The following PACRG variants were observed in gnomAD, a reference collection of about 807,000 sequenced individuals.
PACRG encodes parkin coregulated gene protein.
A neutral mutation model predicts 29.7 loss-of-function variants in PACRG; 29 were observed. The observed-to-expected ratio is 0.98, with a 90% CI of 0.73 to 1.33. The LOEUF is 1.33. Ranked by LOEUF, PACRG falls within the 40% of genes most tolerant of loss-of-function variation. The pLI is 0.00. For synonymous variants in PACRG, 116 were observed against 118.7 expected (o/e 0.98, Z 0.15); for missense variants, 279 against 316.2 (o/e 0.88, Z 0.89).
At chr6:163,043,364 T>C (rs1808949938) in intron 2 of PACRG, among the ~76,000 whole-genome samples, 1 of 152,150 alleles carries the variant, frequency 6.6e-6, no homozygotes, top group Non-Finnish European at 1.5e-5. Flanking sequence ...GAGACCAACC[T>C]GGCCAACATG....
At chr6:163,248,399 T>A (rs2128171142) in intron 4 of PACRG, among the ~76,000 whole-genome samples, 1 of 150,506 alleles carries the variant, frequency 6.6e-6, no homozygotes, top group Non-Finnish European at 1.5e-5. Flanking sequence ...TAGTGTTGGT[T>A]TGCGGGGCAA....
At chr6:163,269,778 C>G (rs1270182953) in intron 4 of PACRG, among the ~76,000 whole-genome samples, 1 of 92,036 alleles carries the variant, frequency 1.1e-5, no homozygotes, top group Admixed American at 1.2e-4. Context: ...GACAGACAGA[C>G]AGACAGAAAG....
Position 163,255,747 on chromosome 6 carries a change from G to A in PACRG, c.614-59080G>A, listed in dbSNP as rs956107339. 5.3e-5 allele frequency among the ~76,000 whole-genome samples: 8 copies of A among 152,000 alleles called. No homozygotes were observed. In the East Asian group the frequency reaches 7.8e-4, roughly 15 times the overall value. The stretch of plus-strand genomic sequence containing the variant: ...TGCCTCCCGGGTTCAAGCAACTCTC[G>A]TGCCTTAGCCTCCCAAGTAGTGGGA... On this transcript the variant is annotated intron_variant, in intron 4 of 4. Transcript: ENST00000366888.
At chr6:163,037,007 G>T (rs1419144126) in intron 2 of PACRG, among the ~76,000 whole-genome samples, 2 of 152,102 alleles carry the variant, frequency 1.3e-5, no homozygotes, top group Non-Finnish European at 2.9e-5. Context: ...AACGAGAGAG[G>T]CGAATTGTAA....
At chr6:163,156,919 G>C (rs145251094) in intron 4 of PACRG, among the ~76,000 whole-genome samples, 1 of 152,288 alleles carries the variant, frequency 6.6e-6, no homozygotes, top group East Asian at 1.9e-4. Flanking sequence ...GATTATACTT[G>C]ATCCACCCAG....
intron 2 of PACRG, among the ~76,000 whole-genome samples, chr6:162,947,610 T>TTATATA (rs1562767235): frequency 8.3e-5 from 4 of 48,192 alleles, no homozygotes; most frequent in South Asian, 7.6e-4. Context: ...ATATATATAA[T>TTATATA]CATATATATA....
chr6:162,945,136 T>A lies in PACRG; in HGVS notation c.292-117014T>A, dbSNP rs139516760. Among the ~76,000 whole-genome samples, 542 of 152,072 alleles carry A rather than the reference T, an allele frequency of 3.6e-3. 3 individuals carry two copies. The highest frequency in any genetic ancestry group is 0.013 in the African/African-American group (532 of 41,496). On this transcript the variant is annotated intron_variant, in intron 2 of 4. Transcript: ENST00000366888. ...AACAAGCAGAAATCAATTAATAAAG[T>A]GACAGCAATAAGCCTTCACATATCA...
chr6:163,191,602 G>A (rs1343822319), intron 4 of PACRG: 5 of 455,636 alleles, frequency 1.1e-5, no homozygotes, highest in Middle Eastern at 3.3e-4. Context: ...ATACACTCAC[G>A]AGCTGAGACC....
chr6:162,858,947 A>G (rs9346937), intron 2 of PACRG, among the ~76,000 whole-genome samples: 103,586 of 152,088 alleles, frequency 0.68, 36,752 homozygotes, highest in African/African-American at 0.9. Flanking sequence ...GAGGACAGGA[A>G]AAGTCACAGA....
At chr6:163,312,883 G>C in intron 4 of PACRG, 1 of 363,824 alleles carries the variant, frequency 2.7e-6, no homozygotes, top group South Asian at 2.0e-5. Context: ...CTCTCAAGTA[G>C]CTGAGATTAT....
intron 3 of PACRG, among the ~76,000 whole-genome samples, chr6:163,079,168 A>T (rs963731454): frequency 6.6e-6 from 1 of 152,160 alleles, no homozygotes; most frequent in Admixed American, 6.5e-5. Flanking sequence ...GATCAAGAAT[A>T]AATTATTTTT....
At chr6:163,181,701 T>C (rs963118270) in intron 4 of PACRG, among the ~76,000 whole-genome samples, 1 of 151,138 alleles carries the variant, frequency 6.6e-6, no homozygotes, top group African/African-American at 2.4e-5. Context: ...ATAGCAGAGG[T>C]TGATTATTAG....
chr6:163,279,987 G>T (rs1197396988), intron 4 of PACRG, among the ~76,000 whole-genome samples: 1 of 152,146 alleles, frequency 6.6e-6, no homozygotes, highest in Admixed American at 6.5e-5. Flanking sequence ...CTGTCCTGAG[G>T]TTCATCCTTT....
chr6:162,763,650 G>A (rs1176366591), intron 1 of PACRG, among the ~76,000 whole-genome samples: 3 of 152,146 alleles, frequency 2.0e-5, no homozygotes, highest in Non-Finnish European at 4.4e-5. Flanking sequence ...GACTGTCTTT[G>A]AGATCAAGAT....
chr6:162,940,759 T>C (rs1198354540), intron 2 of PACRG, among the ~76,000 whole-genome samples: 4 of 152,124 alleles, frequency 2.6e-5, no homozygotes, highest in African/African-American at 7.2e-5. Context: ...CATTTTATCA[T>C]TGGAGGGGTG....
intron 1 of PACRG, among the ~76,000 whole-genome samples, chr6:162,773,731 G>A (rs944756131): frequency 1.3e-5 from 2 of 151,598 alleles, no homozygotes; most frequent in East Asian, 3.9e-4. Context: ...TAGCCAGGAT[G>A]GTCTCGATCT....
intron 4 of PACRG, among the ~76,000 whole-genome samples, chr6:163,167,805 T>C (rs1778883529): frequency 6.6e-6 from 1 of 152,232 alleles, no homozygotes; most frequent in Admixed American, 6.5e-5. Context: ...AAGTCCCACT[T>C]CCTTTCAAAC....
intron 4 of PACRG, among the ~76,000 whole-genome samples, chr6:163,167,682 TG>T (rs1180600665): frequency 1.3e-4 from 20 of 152,260 alleles, no homozygotes; most frequent in Admixed American, 6.5e-4. Context: ...TTTTCTAAAA[TG>T]AAAAAAATAG....
chr6:163,245,623 C>T (rs1163785943), intron 4 of PACRG, among the ~76,000 whole-genome samples: 1 of 152,086 alleles, frequency 6.6e-6, no homozygotes, highest in African/African-American at 2.4e-5. Context: ...CAAATTCAGC[C>T]TCACAGTTTT....
Sources: allele counts gnomAD v4.1 joint callset (sites outside exome capture counted in the v4.1 genomes callset), GRCh38; gene constraint gnomAD v4.1.1; transcripts MANE v1.5; gene names NCBI Gene and HGNC (gene_info 2026-07-23, HGNC 2026-07-21).